Variants in IL15 observed in about 807,000 individuals in gnomAD.
The protein encoded by IL15 is interleukin 15, also known as interleukin-15.
In IL15, 11 loss-of-function variants were observed where a neutral mutation model predicts 19.6. The ratio of observed to expected loss-of-function variants is 0.56; its 90% CI spans 0.35 to 0.93. The LOEUF (loss-of-function observed/expected upper bound fraction) is 0.93. IL15 is among the 40% of genes least tolerant of loss of function. The pLI is 0.01. For synonymous variants in IL15, 58 were observed against 59.6 expected (o/e 0.97, Z 0.12); for missense variants, 197 against 186.5 (o/e 1.06, Z -0.33).
At chr4:141,673,927 G>A (rs903804646) in intron 2 of IL15, among the ~76,000 whole-genome samples, 4 of 152,092 alleles carry the variant, frequency 2.6e-5, no homozygotes, top group African/African-American at 9.6e-5. Context: ...GAATTATTTG[G>A]ACCAGCTAAA....
intron 7 of IL15, among the ~76,000 whole-genome samples, chr4:141,731,855 A>G (rs765642681): frequency 2.0e-5 from 3 of 152,164 alleles, no homozygotes; most frequent in Non-Finnish European, 4.4e-5. Flanking sequence ...GGTTCAGATG[A>G]TCTCTAAAAA....
chr4:141,644,656 G>A (rs1463777859), intron 1 of IL15, among the ~76,000 whole-genome samples: 2 of 152,128 alleles, frequency 1.3e-5, no homozygotes, highest in African/African-American at 4.8e-5. Context: ...ATCTCCAGAT[G>A]AGGATGATAT....
At chr4:141,642,100 A>G (rs961663670) in intron 1 of IL15, among the ~76,000 whole-genome samples, 5 of 152,198 alleles carry the variant, frequency 3.3e-5, no homozygotes, top group Non-Finnish European at 7.3e-5. Flanking sequence ...AGATATGTCA[A>G]TGCTTTGATT....
At chr4:141,730,674 C>G (rs979880909) in intron 7 of IL15, among the ~76,000 whole-genome samples, 1 of 152,114 alleles carries the variant, frequency 6.6e-6, no homozygotes, top group Non-Finnish European at 1.5e-5. Flanking sequence ...TCCAGGAGAG[C>G]AAATTCTAGG....
chr4:141,642,455 A>C (rs191134146), intron 1 of IL15, among the ~76,000 whole-genome samples: 3 of 152,260 alleles, frequency 2.0e-5, no homozygotes, highest in Non-Finnish European at 2.9e-5. Flanking sequence ...CTTCTTTCCC[A>C]CACCCTCCCT....
chr4:141,674,396 T>G (rs1365530668), intron 2 of IL15, among the ~76,000 whole-genome samples: 1 of 152,106 alleles, frequency 6.6e-6, no homozygotes, highest in Admixed American at 6.5e-5. Context: ...CTAACAATTT[T>G]GCAGAGAATT....
chr4:141,670,573 T>C (rs1728138700), intron 2 of IL15, among the ~76,000 whole-genome samples: 1 of 152,314 alleles, frequency 6.6e-6, no homozygotes, highest in Admixed American at 6.5e-5. Context: ...TGGAATGTTA[T>C]TGATTTTAAG....
intron 1 of IL15, among the ~76,000 whole-genome samples, chr4:141,644,916 TG>T (rs1396650936): frequency 6.6e-6 from 1 of 152,184 alleles, no homozygotes; most frequent in Non-Finnish European, 1.5e-5. Context: ...GGTTTAAATT[TG>T]TTCCCTAGGA....
chr4:141,709,159 T>G (rs1332937114), intron 2 of IL15, among the ~76,000 whole-genome samples: 1 of 151,882 alleles, frequency 6.6e-6, no homozygotes, highest in Non-Finnish European at 1.5e-5. Context: ...ACTATTAATT[T>G]TTTGGTTTTG....
intron 2 of IL15, among the ~76,000 whole-genome samples, chr4:141,687,848 G>T (rs1037360485): frequency 1.4e-4 from 22 of 152,022 alleles, no homozygotes; most frequent in African/African-American, 5.3e-4. Context: ...AATACCTCAT[G>T]ATCATGTTAA....
intron 2 of IL15, among the ~76,000 whole-genome samples, chr4:141,672,615 G>A (rs1349893613): frequency 3.9e-5 from 6 of 152,050 alleles, no homozygotes; most frequent in Non-Finnish European, 8.8e-5. Context: ...TGTCCATTTT[G>A]GTAAAATAAG....
At chr4:141,677,663 C>T (rs1231024116) in intron 2 of IL15, among the ~76,000 whole-genome samples, 1 of 152,176 alleles carries the variant, frequency 6.6e-6, no homozygotes, top group Non-Finnish European at 1.5e-5. Context: ...GTGGCTCACT[C>T]ACTTCAAACC....
intron 2 of IL15, among the ~76,000 whole-genome samples, chr4:141,669,027 A>G (rs573563006): frequency 3.3e-4 from 50 of 152,314 alleles, no homozygotes; most frequent in African/African-American, 1.1e-3. Context: ...GCAATCTGTT[A>G]CAACAACTTT....
Position 141,686,146 on chromosome 4 carries a change from T to G in IL15, c.-100+29839T>G, listed in dbSNP as rs150560487. ...CCCGTCTCTGCTAAAAATAAAAAAA[T>G]TAGCCAGGCATGGTGGTGGTCACCT... On this transcript the variant is annotated intron_variant, in intron 2 of 7. Transcript: ENST00000320650. Among the ~76,000 whole-genome samples, 633 of 151,944 alleles carry G rather than the reference T, an allele frequency of 4.2e-3. 5 individuals are homozygous for G. The highest frequency in any genetic ancestry group is 0.014 in the African/African-American group (563 of 41,432).
chr4:141,663,725 G>A (rs1727870376), intron 2 of IL15, among the ~76,000 whole-genome samples: 1 of 152,158 alleles, frequency 6.6e-6, no homozygotes, highest in African/African-American at 2.4e-5. Flanking sequence ...GGAAAGGTCG[G>A]GGAAGTTGAG....
intron 2 of IL15, among the ~76,000 whole-genome samples, chr4:141,711,350 GA>G (rs1355307501): frequency 2.6e-5 from 4 of 152,076 alleles, no homozygotes; most frequent in Non-Finnish European, 5.9e-5. Flanking sequence ...GCAGAAAGAT[GA>G]AATGTGGGGT....
At chr4:141,656,522 A>G (rs1456446972) in intron 2 of IL15, among the ~76,000 whole-genome samples, 1 of 152,170 alleles carries the variant, frequency 6.6e-6, no homozygotes, top group Non-Finnish European at 1.5e-5. Context: ...TTTTTCTGAA[A>G]AGAGCCACTT....
At chr4:141,696,679 T>C (rs932952186) in intron 2 of IL15, among the ~76,000 whole-genome samples, 1 of 152,042 alleles carries the variant, frequency 6.6e-6, no homozygotes, top group African/African-American at 2.4e-5. Flanking sequence ...TGGTAACTGG[T>C]TTTTGGTTAC....
intron 2 of IL15, among the ~76,000 whole-genome samples, chr4:141,665,291 T>C (rs1443986357): frequency 6.6e-6 from 1 of 152,152 alleles, no homozygotes; most frequent in African/African-American, 2.4e-5. Context: ...ATAAGAATCA[T>C]ATCAATTTTA....
Sources: allele counts gnomAD v4.1 joint callset (sites outside exome capture counted in the v4.1 genomes callset), GRCh38; gene constraint gnomAD v4.1.1; transcripts MANE v1.5; gene names NCBI Gene and HGNC (gene_info 2026-07-23, HGNC 2026-07-21).